OR9Q1: variants seen among roughly 807,000 people sequenced by gnomAD.
OR9Q1 encodes the protein olfactory receptor 9Q1.
For missense variants in OR9Q1, 374 were observed against 378.8 expected, an observed-to-expected ratio of 0.99 and a Z score of 0.11; for synonymous variants, 153 against 148.6, an observed-to-expected ratio of 1.03 and a Z score of -0.22.
intron 1 of OR9Q1, among the ~76,000 whole-genome samples, chr11:58,029,969 G>A (rs890599059): frequency 6.6e-6 from 1 of 151,862 alleles, no homozygotes; most frequent in African/African-American, 2.4e-5. Context: ...AGCCTCTTGA[G>A]TAGCTGGGAT....
At chr11:58,058,943 C>T (rs1469654721) in intron 2 of OR9Q1, among the ~76,000 whole-genome samples, 1 of 152,172 alleles carries the variant, frequency 6.6e-6, no homozygotes, top group Non-Finnish European at 1.5e-5. Flanking sequence ...GCGCTGAGAT[C>T]CATGGCTGAT....
Position 58,062,990 on chromosome 11 carries a change from C to T in OR9Q1, c.-15+7043C>T, listed in dbSNP as rs149916190. ...CATGCTTGCCTTCTCTTCCAGAGTG[C>T]GAGCATCCCTGAGGATAGGGCTATG... On this transcript the variant is annotated intron_variant, in intron 2 of 2. Transcript: ENST00000335397. 2.0e-3 allele frequency among the ~76,000 whole-genome samples: 305 copies of T among 152,250 alleles called. 2 individuals are homozygous for T. The highest frequency in any genetic ancestry group is 2.7e-3 in the Non-Finnish European group (182 of 68,018).
intron 1 of OR9Q1, among the ~76,000 whole-genome samples, chr11:58,042,531 C>T (rs1228768577): frequency 2.0e-5 from 3 of 151,174 alleles, no homozygotes; most frequent in Non-Finnish European, 4.4e-5. Context: ...CAGTACCATG[C>T]TGTTTTGGTG....
At chr11:58,095,037 T>TA (rs1289488027) in intron 2 of OR9Q1, among the ~76,000 whole-genome samples, 1 of 152,258 alleles carries the variant, frequency 6.6e-6, no homozygotes, top group Non-Finnish European at 1.5e-5. Context: ...AGTTTACTGC[T>TA]ATTGAGAGTA....
chr11:58,036,862 G>T (rs1256011628), intron 1 of OR9Q1, among the ~76,000 whole-genome samples: 2 of 152,210 alleles, frequency 1.3e-5, no homozygotes, highest in African/African-American at 2.4e-5. Flanking sequence ...TCTACTCCTG[G>T]TGAAGATGCT....
At chr11:58,082,767 T>C (rs1046196074) in intron 2 of OR9Q1, among the ~76,000 whole-genome samples, 1 of 127,814 alleles carries the variant, frequency 7.8e-6, no homozygotes, top group African/African-American at 2.7e-5. Context: ...ATAATAATAA[T>C]AATAAAAAGT....
chr11:58,118,432 T>A (rs1368368125), intron 2 of OR9Q1: 1 of 1,009,936 alleles, frequency 9.9e-7, no homozygotes, highest in Non-Finnish European at 1.5e-6. Flanking sequence ...CATATAGTAA[T>A]GGTGCCTATT....
chr11:58,091,677 G>C (rs192374637), intron 2 of OR9Q1, among the ~76,000 whole-genome samples: 1 of 152,282 alleles, frequency 6.6e-6, no homozygotes, highest in East Asian at 1.9e-4. Flanking sequence ...GTGCAGAGCT[G>C]AGTTCAAGTC....
At chr11:58,058,714 A>G (rs1853350092) in intron 2 of OR9Q1, among the ~76,000 whole-genome samples, 2 of 152,154 alleles carry the variant, frequency 1.3e-5, no homozygotes, top group African/African-American at 2.4e-5. Flanking sequence ...TGTCATCTAC[A>G]CTGCTGATCT....
intron 2 of OR9Q1, among the ~76,000 whole-genome samples, chr11:58,065,067 G>A (rs552111159): frequency 6.6e-6 from 1 of 152,238 alleles, no homozygotes; most frequent in East Asian, 1.9e-4. Context: ...CAGCAATGGA[G>A]GCACATAAAC....
At chr11:58,087,850 T>C (rs1403946893) in intron 2 of OR9Q1, among the ~76,000 whole-genome samples, 3 of 151,912 alleles carry the variant, frequency 2.0e-5, no homozygotes, top group Non-Finnish European at 2.9e-5. Flanking sequence ...CTGAGAATGA[T>C]AGCTTCCAGC....
At chr11:58,066,559 T>C (rs1447871710) in intron 2 of OR9Q1, among the ~76,000 whole-genome samples, 2 of 152,110 alleles carry the variant, frequency 1.3e-5, no homozygotes, top group Non-Finnish European at 2.9e-5. Flanking sequence ...GTTCTCCAGG[T>C]CTCCGAGACT....
intron 1 of OR9Q1, among the ~76,000 whole-genome samples, chr11:58,048,669 TAAAAA>T (rs369007273): frequency 2.9e-5 from 3 of 104,012 alleles, no homozygotes; most frequent in African/African-American, 9.4e-5. Context: ...GACTCCATCT[TAAAAA>T]AAAAAATATA....
intron 2 of OR9Q1, among the ~76,000 whole-genome samples, chr11:58,142,053 T>C (rs928071789): frequency 3.9e-5 from 6 of 152,168 alleles, no homozygotes; most frequent in Non-Finnish European, 5.9e-5. Flanking sequence ...TGCAAGTACA[T>C]ATGTACAGTT....
chr11:58,118,978 G>T lies in OR9Q1; in HGVS notation c.-14-60453G>T, dbSNP rs199775374. 1.0e-4 allele frequency: 163 copies of T among 1,613,804 alleles called. No homozygotes were observed. The East Asian group carries it at 3.3e-3, about 33-fold the overall frequency. On this transcript the variant is annotated intron_variant, in intron 2 of 2. Coordinates refer to ENST00000335397, the MANE Select transcript of OR9Q1 (RefSeq NM_001005212.4). ...GAAGGTGCAAGTGGTACGCAGGATG[G>T]CTCCTGACACCCCACAGACATAGGC...
At chr11:58,114,750 G>A (rs1853934570) in intron 2 of OR9Q1, among the ~76,000 whole-genome samples, 1 of 152,146 alleles carries the variant, frequency 6.6e-6, no homozygotes, top group South Asian at 2.1e-4. Context: ...TTAATACTTT[G>A]ACACATTACA....
intron 2 of OR9Q1, among the ~76,000 whole-genome samples, chr11:58,178,413 A>G (rs914200271): frequency 1.3e-5 from 2 of 152,210 alleles, no homozygotes; most frequent in Non-Finnish European, 2.9e-5. Flanking sequence ...CAGGGGAATC[A>G]GATGTGATCA....
chr11:58,101,989 AC>A (rs1853788383), intron 2 of OR9Q1, among the ~76,000 whole-genome samples: 10 of 150,642 alleles, frequency 6.6e-5, no homozygotes, highest in Admixed American at 6.6e-4. Context: ...CAGGTGATCC[AC>A]CCCCCTTGGC....
intron 2 of OR9Q1, chr11:58,116,699 C>T (rs1853958288): frequency 1.3e-5 from 2 of 152,158 alleles, no homozygotes; most frequent in Admixed American, 1.3e-4. Flanking sequence ...TTTACATGTT[C>T]AGCTTCACAA....
Sources: allele counts gnomAD v4.1 joint callset (sites outside exome capture counted in the v4.1 genomes callset), GRCh38; gene constraint gnomAD v4.1.1; transcripts MANE v1.5; gene names NCBI Gene and HGNC (gene_info 2026-07-23, HGNC 2026-07-21).